PRSS3: variants seen among roughly 807,000 people sequenced by gnomAD.
PRSS3 encodes the protein serine protease 3.
In PRSS3, 14 loss-of-function variants were observed where a neutral mutation model predicts 20.8. The ratio of observed to expected loss-of-function variants is 0.67; its 90% confidence interval spans 0.44 to 1.05. PRSS3 has a LOEUF of 1.05. Among genes scored for constraint, PRSS3 ranks in the 50% least tolerant of loss-of-function variants. The pLI, the probability that PRSS3 is intolerant of heterozygous loss-of-function variation, is 0.00. For synonymous variants in PRSS3, 91 were observed against 117.6 expected, an observed-to-expected ratio of 0.77 and a Z score of 1.46; for missense variants, 237 against 306.4, an observed-to-expected ratio of 0.77 and a Z score of 1.69.
upstream of PRSS3, among the ~76,000 whole-genome samples, chr9:33,794,466 A>T (rs748245992): frequency 1.2e-4 from 19 of 152,224 alleles, no homozygotes; most frequent in Non-Finnish European, 2.5e-4. Flanking sequence ...GGCCCAAATC[A>T]GGATATTCTC....
rs1344840887 is a variant in PRSS3, at chr9:33,760,485, G to A, written c.-53+9758G>A. On this transcript the variant is annotated intron_variant, in intron 1 of 5. Transcript: ENST00000342836. ...AAAGAGGCCGGGTGCGGTGGCTCAC[G>A]CCTGTAATCCCAGCACTTTGGGAGG... Among the ~76,000 whole-genome samples, 8 of 152,068 alleles carry A rather than the reference G, an allele frequency of 5.3e-5. No homozygotes were observed. In the South Asian group the frequency reaches 8.3e-4, roughly 16 times the overall value.
intron 1 of PRSS3, among the ~76,000 whole-genome samples, chr9:33,769,784 T>C (rs1029625828): frequency 2.6e-5 from 4 of 151,926 alleles, no homozygotes; most frequent in Non-Finnish European, 5.9e-5. Context: ...CCATTTAGGG[T>C]AGAGGAATCA....
intron 1 of PRSS3, among the ~76,000 whole-genome samples, chr9:33,774,240 G>A (rs1167388637): frequency 1.3e-5 from 2 of 152,030 alleles, no homozygotes; most frequent in Non-Finnish European, 2.9e-5. Context: ...TCTCCTCCAC[G>A]TGTTCCATAA....
In PRSS3 at chr9:33,799,187, C is replaced by G. The variant is rs558645886; in HGVS notation, c.*7C>G. ...CATCGCTGCCAACAGCTAAAGCCCC[C>G]GGTCCCTCTGCAGTCTCTATACCAA... On this transcript the variant is annotated 3_prime_UTR_variant, in exon 5 of 5. Transcript: ENST00000379405. 5.6e-6 allele frequency: 9 copies of G among 1,610,320 alleles called. No homozygotes were observed. Among genetic ancestry groups the G allele is most frequent in the Admixed American group, 1.7e-5 (1 of 59,556 alleles).
intron 1 of PRSS3, among the ~76,000 whole-genome samples, chr9:33,767,828 A>G (rs1814900476): frequency 6.9e-6 from 1 of 145,780 alleles, no homozygotes; most frequent in African/African-American, 2.6e-5. Context: ...TCTGTCTGAA[A>G]AAAAAAGGAA....
chr9:33,782,706 C>T (rs1031160740), intron 1 of PRSS3, among the ~76,000 whole-genome samples: 2 of 152,174 alleles, frequency 1.3e-5, no homozygotes, highest in African/African-American at 4.8e-5. Context: ...CAAATTAAAC[C>T]ACCTGGCAAC....
At chr9:33,769,703 G>A (rs896063701) in intron 1 of PRSS3, among the ~76,000 whole-genome samples, 1 of 152,194 alleles carries the variant, frequency 6.6e-6, no homozygotes, top group Non-Finnish European at 1.5e-5. Context: ...AGATTCAGGG[G>A]CAGGACTGGT....
intron 1 of PRSS3, among the ~76,000 whole-genome samples, chr9:33,753,411 T>C (rs908028485): frequency 2.6e-5 from 4 of 152,218 alleles, no homozygotes; most frequent in Admixed American, 1.3e-4. Context: ...ATCTACTTCA[T>C]TGGAGAATTA....
upstream of PRSS3, among the ~76,000 whole-genome samples, chr9:33,793,015 G>A (rs2119080442): frequency 6.6e-6 from 1 of 152,372 alleles, no homozygotes; most frequent in African/African-American, 2.4e-5. Flanking sequence ...ACAGTATGAG[G>A]TAACAGTCTC....
chr9:33,785,429 G>A (rs1338254102), intron 1 of PRSS3, among the ~76,000 whole-genome samples: 6 of 151,594 alleles, frequency 4.0e-5, no homozygotes, highest in African/African-American at 7.3e-5. Flanking sequence ...CGCCCGCCTC[G>A]GCCTCCCAAA....
Position 33,797,912 on chromosome 9 carries a change from G to A in PRSS3, c.284G>A (p.Arg95His), listed in dbSNP as rs146360076. ...EQFINAAKII[R>H]HPKYNRDTLD... ...TTCATCAATGCGGCCAAGATCATCCGCCACCCTAAATACAACAGGGACACT... is the reference window on the plus strand; with the variant it reads ...TTCATCAATGCGGCCAAGATCATCCACCACCCTAAATACAACAGGGACACT... The change falls in exon 3 of 5, where the codon CGC becomes CAC. Residue 95 changes from arginine (R) to histidine (H), a missense_variant. Arg to His is a conservative substitution (Grantham distance 29, BLOSUM62 0). Coordinates refer to ENST00000379405, the MANE Select transcript of PRSS3 (RefSeq NM_002771.4). 53 of 1,614,046 alleles carry A rather than the reference G, an allele frequency of 3.3e-5. No homozygotes were observed. Among genetic ancestry groups the A allele is most frequent in the Non-Finnish European group, 3.7e-5 (44 of 1,180,020 alleles).
At chr9:33,795,256 TCTC>T (rs1308242453), upstream of PRSS3, among the ~76,000 whole-genome samples, 2 of 152,102 alleles carry the variant, frequency 1.3e-5, no homozygotes, top group Admixed American at 6.5e-5. Flanking sequence ...CTAACCCTCA[TCTC>T]CTCGGCCTAC....
At chr9:33,768,707 T>G (rs1409403917) in intron 1 of PRSS3, among the ~76,000 whole-genome samples, 1 of 151,760 alleles carries the variant, frequency 6.6e-6, no homozygotes, top group Non-Finnish European at 1.5e-5. Context: ...AATACAAAAC[T>G]TAGCCAGGTG....
intron 1 of PRSS3, among the ~76,000 whole-genome samples, chr9:33,764,940 C>G (rs1196782220): frequency 6.6e-6 from 1 of 152,134 alleles, no homozygotes; most frequent in South Asian, 2.1e-4. Context: ...GGAAACAAAA[C>G]AACAAAATAC....
chr9:33,780,904 G>A (rs1467638068), intron 1 of PRSS3, among the ~76,000 whole-genome samples: 1 of 152,160 alleles, frequency 6.6e-6, no homozygotes, highest in African/African-American at 2.4e-5. Context: ...CTTGGCCTAT[G>A]AAAAGATTTA....
chr9:33,787,573 A>C (rs866907609), intron 1 of PRSS3, among the ~76,000 whole-genome samples: 4 of 152,232 alleles, frequency 2.6e-5, no homozygotes, highest in Admixed American at 6.5e-5. Flanking sequence ...TATTCCGTTT[A>C]CTATGTAATC....
rs149483938 is a variant in PRSS3 at position 33,787,972 on chromosome 9, T to C, written c.-52-6774T>C. ...CTAGGCTCAGGAAAGCTGTCCAGGG[T>C]GGATGAAATCTTGTCTGTGCCTTCC... On this transcript the variant is annotated intron_variant, in intron 1 of 5. Transcript: ENST00000342836. Among the ~76,000 whole-genome samples, 764 of 152,278 alleles carry C rather than the reference T, an allele frequency of 5.0e-3. 5 individuals carry two copies. The highest frequency in any genetic ancestry group is 6.8e-3 in the Middle Eastern group (2 of 294).
At chr9:33,789,981 G>A (rs570611852) in intron 1 of PRSS3, among the ~76,000 whole-genome samples, 1 of 152,166 alleles carries the variant, frequency 6.6e-6, no homozygotes, top group African/African-American at 2.4e-5. Flanking sequence ...AGAAAGTGAT[G>A]CAATTATCTG....
At chr9:33,796,609 T>C (rs1408604430) in intron 1 of PRSS3, 34 bp from the exon 2 acceptor site, 2 of 1,612,872 alleles carry the variant, frequency 1.2e-6, no homozygotes, top group Non-Finnish European at 8.5e-7. Context: ...AACATGCTAC[T>C]GACTTGCCTT....
Sources: gnomAD v4.1 joint callset for allele counts (sites outside exome capture counted in the v4.1 genomes callset) on GRCh38, gnomAD v4.1.1 for gene constraint, MANE v1.5 for transcripts, NCBI Gene and HGNC (gene_info 2026-07-23, HGNC 2026-07-21) for gene names.